Variants in CCDC60 observed in about 807,000 individuals in gnomAD.
CCDC60 encodes the protein coiled-coil domain-containing protein 60.
In CCDC60, 54 loss-of-function variants were observed where a neutral mutation model predicts 63.5. The observed-to-expected ratio is 0.85, with a 90% CI of 0.68 to 1.07. CCDC60 has a LOEUF of 1.07. Ranked by LOEUF, CCDC60 falls within the 50% of genes least tolerant of loss-of-function variation. The probability of loss-of-function intolerance (pLI) is 0.00; values close to 1 mark genes in which losing one functional copy is unlikely to be tolerated. For missense variants in CCDC60, 651 were observed against 684.3 expected (o/e 0.95, Z 0.54); for synonymous variants, 206 against 238.8 (o/e 0.86, Z 1.27).
intron 2 of CCDC60, among the ~76,000 whole-genome samples, chr12:119,440,690 T>A (rs974755749): frequency 6.6e-6 from 1 of 151,712 alleles, no homozygotes; most frequent in African/African-American, 2.4e-5. Flanking sequence ...TCGACACCTG[T>A]GAGGGAGTGG....
chr12:119,482,336 T>C (rs1428715242), intron 4 of CCDC60, among the ~76,000 whole-genome samples: 2 of 151,960 alleles, frequency 1.3e-5, no homozygotes, highest in African/African-American at 2.4e-5. Context: ...ATTACTATTA[T>C]TATTATTATT....
chr12:119,422,044 G>A (rs1201495879), intron 1 of CCDC60, among the ~76,000 whole-genome samples: 1 of 152,122 alleles, frequency 6.6e-6, no homozygotes, highest in East Asian at 1.9e-4. Context: ...TGGTGTTTCT[G>A]ACGATCTTGC....
At chr12:119,349,471 G>A (rs1955632671) in intron 1 of CCDC60, among the ~76,000 whole-genome samples, 1 of 151,134 alleles carries the variant, frequency 6.6e-6, no homozygotes, top group Non-Finnish European at 1.5e-5. Context: ...TCAGCCTCCT[G>A]AATAACTGGG....
intron 1 of CCDC60, among the ~76,000 whole-genome samples, chr12:119,403,446 C>T (rs1409591532): frequency 3.3e-5 from 5 of 152,094 alleles, no homozygotes; most frequent in Admixed American, 6.6e-5. Context: ...AGGAGCATAA[C>T]GTCGAGCTTT....
chr12:119,448,574 G>T, intron 2 of CCDC60, among the ~76,000 whole-genome samples: 1 of 152,092 alleles, frequency 6.6e-6, no homozygotes, highest in Non-Finnish European at 1.5e-5. Flanking sequence ...CTTTCCCCAG[G>T]GCTTTTGCCC....
In CCDC60 at chr12:119,404,010, G is replaced by A. The variant is rs184144517; in HGVS notation, c.91-24673G>A. The stretch of plus-strand genomic sequence containing the variant: ...ACTCAGAAGTCATTTCCTTTAGGCC[G>A]GGCACAGTGGCTCATGCCTAGAATC... On this transcript the variant is annotated intron_variant, in intron 1 of 13. Transcript: ENST00000327554. Among the ~76,000 whole-genome samples the A allele has an allele frequency of 2.5e-3, 381 of 152,168 alleles. 5 individuals carry two copies. The highest frequency in any genetic ancestry group is 2.7e-3 in the Non-Finnish European group (186 of 68,016).
At chr12:119,415,871 AT>A (rs1443812451) in intron 1 of CCDC60, among the ~76,000 whole-genome samples, 3 of 152,184 alleles carry the variant, frequency 2.0e-5, no homozygotes, top group African/African-American at 7.2e-5. Flanking sequence ...ACTGTGCCCA[AT>A]AAAACTGTAA....
chr12:119,516,551 T>C, intron 7 of CCDC60, 72 bp from the exon 8 acceptor site: 1 of 1,043,508 alleles, frequency 9.6e-7, no homozygotes, highest in Non-Finnish European at 1.5e-6. Flanking sequence ...TTTGGGGGGC[T>C]GCACCCTGTT....
chr12:119,347,606 T>G (rs1186737633), intron 1 of CCDC60, among the ~76,000 whole-genome samples: 1 of 152,144 alleles, frequency 6.6e-6, no homozygotes, highest in Non-Finnish European at 1.5e-5. Context: ...TAGCTCCACA[T>G]AGTGAGGCAA....
chr12:119,502,414 A>G (rs1196070179), intron 6 of CCDC60, among the ~76,000 whole-genome samples: 1 of 152,186 alleles, frequency 6.6e-6, no homozygotes, highest in Non-Finnish European at 1.5e-5. Flanking sequence ...GTCCCTACTG[A>G]GATGGAACAT....
At chr12:119,460,802 G>C (rs1950842960) in intron 2 of CCDC60, among the ~76,000 whole-genome samples, 1 of 152,190 alleles carries the variant, frequency 6.6e-6, no homozygotes, top group South Asian at 2.1e-4. Context: ...GAATGTAGGG[G>C]ATGGGAGAGG....
chr12:119,497,265 C>A (rs757324723), intron 5 of CCDC60, among the ~76,000 whole-genome samples: 1 of 152,234 alleles, frequency 6.6e-6, no homozygotes, highest in Non-Finnish European at 1.5e-5. Flanking sequence ...GAAGGACCAC[C>A]AACCCTCTCT....
At chr12:119,475,929 A>G (rs1022678191) in intron 3 of CCDC60, among the ~76,000 whole-genome samples, 5 of 152,230 alleles carry the variant, frequency 3.3e-5, no homozygotes, top group Admixed American at 2.6e-4. Flanking sequence ...TTTCCATGAA[A>G]GCTGAAAAGC....
rs1051429280 is a variant in CCDC60 at position 119,420,405 on chromosome 12, A to G, written c.91-8278A>G. ...GAGTGAGATCCAGTTATTTGCAACA[A>G]CATGGATGGAACTGGAGATCATTAT... is the stretch of plus-strand genomic sequence containing the variant. On this transcript the variant is annotated intron_variant, in intron 1 of 13. Transcript: ENST00000327554. The surrounding 1 kb of genome is among the most constrained non-coding windows in gnomAD (Gnocchi z 4.1). 3.9e-5 allele frequency among the ~76,000 whole-genome samples: 6 copies of G among 152,352 alleles called. No individual in the cohort carries two copies. Among genetic ancestry groups the G allele is most frequent in the East Asian group, 1.9e-4 (1 of 5,186 alleles).
At chr12:119,404,572 T>G (rs1956452342) in intron 1 of CCDC60, among the ~76,000 whole-genome samples, 1 of 152,124 alleles carries the variant, frequency 6.6e-6, no homozygotes, top group Non-Finnish European at 1.5e-5. Flanking sequence ...ACAGTGAGGA[T>G]GATTTATTGA....
intron 10 of CCDC60, 92 bp downstream of exon 10, chr12:119,523,093 C>A: frequency 1.8e-6 from 2 of 1,124,936 alleles, no homozygotes; most frequent in Non-Finnish European, 2.7e-6. Flanking sequence ...TGACCCAATG[C>A]AGACCAGACT....
At chr12:119,495,179 G>A (rs1035513367) in intron 5 of CCDC60, among the ~76,000 whole-genome samples, 2 of 152,108 alleles carry the variant, frequency 1.3e-5, no homozygotes, top group Non-Finnish European at 2.9e-5. Flanking sequence ...GGCAGGATTC[G>A]AACCCAGGTA....
intron 5 of CCDC60, among the ~76,000 whole-genome samples, chr12:119,494,839 G>A (rs562112334): frequency 6.6e-6 from 1 of 152,278 alleles, no homozygotes; most frequent in African/African-American, 2.4e-5. Flanking sequence ...AATTAGCCAG[G>A]CTTGGTGGCA....
intron 1 of CCDC60, among the ~76,000 whole-genome samples, chr12:119,359,170 C>T (rs1251482086): frequency 1.3e-5 from 2 of 152,132 alleles, no homozygotes; most frequent in Non-Finnish European, 2.9e-5. Flanking sequence ...TGTGGAAATG[C>T]TTTAATCTGC....
Sources: gnomAD v4.1 joint callset for allele counts (sites outside exome capture counted in the v4.1 genomes callset) on GRCh38, gnomAD v4.1.1 for gene constraint, Gnocchi (gnomAD v3.1) non-coding constraint, MANE v1.5 for transcripts, NCBI Gene and HGNC (gene_info 2026-07-23, HGNC 2026-07-21) for gene names.